The following MTMR3 variants were observed in gnomAD, a reference collection of about 807,000 sequenced individuals.
MTMR3 encodes phosphatidylinositol-3,5-bisphosphate 3-phosphatase MTMR3.
MTMR3 carries 32 observed loss-of-function variants against 132.4 expected under a neutral mutation model. The observed-to-expected ratio is 0.24, with a 90% CI of 0.18 to 0.32. The LOEUF (loss-of-function observed/expected upper bound fraction) is 0.32. Ranked by LOEUF, MTMR3 falls within the 10% of genes least tolerant of loss-of-function variation. MTMR3 has a pLI of 1.00. For missense variants in MTMR3, 1,216 were observed against 1,489.6 expected, an observed-to-expected ratio of 0.82 and a Z score of 3.02; for synonymous variants, 556 against 550.3, an observed-to-expected ratio of 1.01 and a Z score of -0.14.
At chr22:29,950,893 C>G (rs1032160742) in intron 1 of MTMR3, among the ~76,000 whole-genome samples, 1 of 137,638 alleles carries the variant, frequency 7.3e-6, no homozygotes, top group African/African-American at 2.5e-5. Context: ...TGGCTTACGC[C>G]TGTAATCCTA....
chr22:29,944,504 GTAGA>G (rs1193921137), intron 1 of MTMR3, among the ~76,000 whole-genome samples: 1 of 152,170 alleles, frequency 6.6e-6, no homozygotes, highest in Non-Finnish European at 1.5e-5. Flanking sequence ...AAGACAGGAA[GTAGA>G]TAGAGATCAA....
At chr22:30,005,518 C>G (rs2067256654) in intron 9 of MTMR3, 1 of 152,180 alleles carries the variant, frequency 6.6e-6, no homozygotes, top group Non-Finnish European at 1.5e-5. Context: ...AGTCATTCAG[C>G]TCAGTGGTTG....
intron 5 of MTMR3, chr22:29,987,497 G>A (rs2066881582): frequency 6.6e-6 from 1 of 152,210 alleles, no homozygotes; most frequent in South Asian, 2.1e-4. Context: ...AGAGGCAAAT[G>A]GCCCACTCCT....
intron 1 of MTMR3, among the ~76,000 whole-genome samples, chr22:29,935,953 C>T (rs551889954): frequency 1.2e-4 from 18 of 151,900 alleles, no homozygotes; most frequent in East Asian, 5.9e-4. Context: ...GGGGTTTCAC[C>T]GTATTAGCCA....
Position 30,019,764 on chromosome 22 carries a change from G to C in MTMR3, c.2105G>C (p.Gly702Ala). The C allele has an allele frequency of 3.1e-6, 5 of 1,614,234 alleles. No individual in the cohort carries two copies. Among genetic ancestry groups the C allele is most frequent in the Non-Finnish European group, 4.2e-6 (5 of 1,180,038 alleles). The part of the protein sequence containing the change: ...ILQEATKEES[G>A]VEEPAHRAGI... The stretch of plus-strand genomic sequence containing the variant: ...CAGGAGGCCACCAAAGAGGAGAGTG[G>C]AGTAGAGGAACCTGCCCACAGGGCA... The change falls in exon 17 of 20, where the codon GGA (glycine) becomes GCA (alanine). Residue 702 changes from glycine to alanine, a missense_variant. Physicochemically the swap from Gly to Ala is moderately conservative, Grantham distance 60. Around this residue, in one of 7 missense-constraint regions of MTMR3, gnomAD observed 852 missense variants for 852.0 expected, o/e 1.00. Transcript: ENST00000401950.
At chr22:29,888,837 G>C (rs2064733595) in intron 1 of MTMR3, among the ~76,000 whole-genome samples, 1 of 144,464 alleles carries the variant, frequency 6.9e-6, no homozygotes, top group South Asian at 2.2e-4. Flanking sequence ...GCAGTGGCGC[G>C]ATCTCGGCTC....
At chr22:29,899,865 G>A (rs542752026) in intron 1 of MTMR3, among the ~76,000 whole-genome samples, 5 of 152,282 alleles carry the variant, frequency 3.3e-5, no homozygotes, top group African/African-American at 7.2e-5. Flanking sequence ...GAGAATCATC[G>A]AGTAGTAGAC....
At chr22:29,944,304 C>G (rs2065914161) in intron 1 of MTMR3, among the ~76,000 whole-genome samples, 1 of 151,758 alleles carries the variant, frequency 6.6e-6, no homozygotes, top group Non-Finnish European at 1.5e-5. Context: ...ATACTTATCT[C>G]CACTGCTTTT....
At chr22:29,965,610 G>A (rs74611026) in intron 2 of MTMR3, among the ~76,000 whole-genome samples, 44 of 152,236 alleles carry the variant, frequency 2.9e-4, no homozygotes, top group Middle Eastern at 6.8e-3. Context: ...ACTTGAATCC[G>A]GGAGGCAGAG....
chr22:29,999,635 A>T (rs564397398), intron 8 of MTMR3: 8 of 152,242 alleles, frequency 5.3e-5, no homozygotes, highest in Non-Finnish European at 1.0e-4. Context: ...TGGATTAAAG[A>T]TGCTCAGTCT....
intron 2 of MTMR3, among the ~76,000 whole-genome samples, chr22:29,959,698 C>T (rs1350259986): frequency 6.6e-6 from 1 of 151,756 alleles, no homozygotes; most frequent in Admixed American, 6.6e-5. Flanking sequence ...TAACATATTA[C>T]TTGGCTCTGT....
intron 16 of MTMR3, chr22:30,019,205 A>G (rs2067683601): frequency 4.0e-6 from 1 of 248,108 alleles, no homozygotes; most frequent in Non-Finnish European, 7.8e-6. Flanking sequence ...TCCGTCTCAA[A>G]AAAAAAAAAA....
At chr22:30,023,489 C>T (rs779978651) in intron 19 of MTMR3, 29 of 1,614,022 alleles carry the variant, frequency 1.8e-5, no homozygotes, top group South Asian at 1.1e-5. Flanking sequence ...ACGTGGTGAG[C>T]ATTTGCAACA....
At chr22:29,905,330 C>T (rs939995440) in intron 1 of MTMR3, among the ~76,000 whole-genome samples, 3 of 152,112 alleles carry the variant, frequency 2.0e-5, no homozygotes, top group South Asian at 2.1e-4. Context: ...AAAAGAAATC[C>T]GCACATGAGT....
intron 11 of MTMR3, chr22:30,008,756 A>G: frequency 2.8e-6 from 1 of 358,266 alleles, no homozygotes; most frequent in Non-Finnish European, 5.0e-6. Context: ...TTTCTTTTAA[A>G]AAATAATAGC....
In MTMR3 at chr22:29,956,167, T is replaced by G. The variant is rs557266105; in HGVS notation, c.-137-869T>G. On this transcript the variant is annotated intron_variant, in intron 1 of 19. Transcript: ENST00000401950. ...CGTGTTTGCACAACTTTAGAGAAAT[T>G]GTCACAAAGGAACAGGTCGGTTAGA... Among the ~76,000 whole-genome samples, 375 of 152,348 alleles carry G rather than the reference T, an allele frequency of 2.5e-3. 1 individual carries two copies. The highest frequency in any genetic ancestry group is 8.4e-3 in the African/African-American group (349 of 41,588).
chr22:29,957,127 TC>T (rs1214203409), intron 2 of MTMR3, 39 bp downstream of exon 2: 2 of 118,374 alleles, frequency 1.7e-5, no homozygotes, highest in Non-Finnish European at 1.8e-5. Context: ...CCCGCCCCCC[TC>T]CAATACTCTC....
chr22:29,994,201 T>C, intron 7 of MTMR3: 2 of 939,900 alleles, frequency 2.1e-6, no homozygotes, highest in South Asian at 9.8e-5. Context: ...TGGCTAGAGA[T>C]TATGAGTAAG....
chr22:29,894,327 C>T (rs1393281569), intron 1 of MTMR3, among the ~76,000 whole-genome samples: 3 of 152,100 alleles, frequency 2.0e-5, no homozygotes, highest in African/African-American at 2.4e-5. Context: ...TTGTGAACTC[C>T]ACTATGACTA....
Sources: allele counts gnomAD v4.1 joint callset (sites outside exome capture counted in the v4.1 genomes callset), GRCh38; gene constraint gnomAD v4.1.1; regional missense constraint gnomAD v4.1.1; transcripts MANE v1.5; gene names NCBI Gene and HGNC (gene_info 2026-07-23, HGNC 2026-07-21).